Variants in AANAT observed in about 807,000 individuals in gnomAD.
AANAT encodes the protein serotonin N-acetyltransferase.
In AANAT, 11 loss-of-function variants were observed where a neutral mutation model predicts 15.6. That is an observed-to-expected ratio of 0.71 (90% CI 0.44 to 1.17). The LOEUF (loss-of-function observed/expected upper bound fraction) is 1.17, where lower values mean the gene tolerates loss of function less well. AANAT is among the 50% of genes most tolerant of loss of function. AANAT has a pLI of 0.00. For missense variants in AANAT, 286 were observed against 296.3 expected, an observed-to-expected ratio of 0.97 and a Z score of 0.26; for synonymous variants, 139 against 131.5, an observed-to-expected ratio of 1.06 and a Z score of -0.39.
rs2073489721 is a variant in AANAT, at chr17:76,469,483, G to C, written c.318+156G>C. The stretch of plus-strand genomic sequence containing the variant: ...GCCCCTCCCAGAGCAAGACCTTCTG[G>C]GTCTTCAAGTTTTCTCCATGGGGTT... On this transcript the variant is annotated intron_variant, in intron 3 of 3. Transcript: ENST00000392492. The surrounding 1 kb of genome is among the most constrained non-coding windows in gnomAD (Gnocchi z 5.2). 6.6e-6 allele frequency among the ~76,000 whole-genome samples: 1 copy of C among 152,240 alleles called. No individual in the cohort carries two copies. The highest frequency in any genetic ancestry group is 2.1e-4 in the South Asian group (1 of 4,838).
intron 2 of AANAT, chr17:76,459,401 GT>G (rs1438929096): frequency 6.6e-6 from 1 of 152,256 alleles, no homozygotes. Context: ...TCCTCAAATA[GT>G]TTCTTCTCCC....
upstream of AANAT, among the ~76,000 whole-genome samples, chr17:76,464,673 G>A (rs1230548935): frequency 6.6e-6 from 1 of 152,132 alleles, no homozygotes; most frequent in African/African-American, 2.4e-5. Flanking sequence ...AAAGTGCTGG[G>A]ATTACAGGCA....
upstream of AANAT, chr17:76,467,413 C>T: frequency 2.4e-6 from 1 of 410,602 alleles, no homozygotes; most frequent in Non-Finnish European, 3.3e-6. Context: ...ACGCTCTCTT[C>T]CCCAAACCCT....
intron 1 of AANAT, 115 bp from the exon 2 acceptor site, chr17:76,468,557 A>C (rs1262375603): frequency 1.1e-6 from 1 of 917,214 alleles, no homozygotes; most frequent in African/African-American, 1.7e-5. Flanking sequence ...GTGCCCATTG[A>C]TTTAGGGGCT....
chr17:76,461,169 A>C (rs186060561), intron 2 of AANAT, among the ~76,000 whole-genome samples: 108 of 151,892 alleles, frequency 7.1e-4, no homozygotes, highest in African/African-American at 1.5e-3. Flanking sequence ...CATCTTAAAA[A>C]AAAAACAAAA....
upstream of AANAT, among the ~76,000 whole-genome samples, chr17:76,463,912 C>G (rs928175052): frequency 6.6e-6 from 1 of 152,168 alleles, no homozygotes; most frequent in Non-Finnish European, 1.5e-5. Flanking sequence ...CTCACCACAT[C>G]TGATTAGGAG....
chr17:76,469,720 C>T lies in AANAT; in HGVS notation c.374C>T (p.Ala125Val). The T allele has an allele frequency of 1.3e-6, 2 of 1,545,754 alleles. No homozygotes were observed. Among genetic ancestry groups the T allele is most frequent in the Non-Finnish European group, 1.7e-6 (2 of 1,144,932 alleles). Residue 125 changes from alanine (A) to valine (V), a missense_variant, in exon 4 of 4, where the codon GCC becomes GTC. By Grantham distance (64) the Ala-to-Val change is moderately conservative. Transcript: ENST00000392492. This position sits in a 1 kb window ranked among gnomAD's most constrained non-coding sequence, Gnocchi z 5.2. Reference protein sequence around the residue: ...GGHIAHLHVLAVHRAFRQQGR... With the variant: ...GGHIAHLHVLVVHRAFRQQGR... ...CACATAGCCCACCTGCATGTGCTGGCCGTGCACCGCGCCTTCCGGCAGCAG... is the reference window on the plus strand; with the variant it reads ...CACATAGCCCACCTGCATGTGCTGGTCGTGCACCGCGCCTTCCGGCAGCAG...
At chr17:76,458,017 T>C (rs1007356028) in intron 1 of AANAT, among the ~76,000 whole-genome samples, 8 of 152,124 alleles carry the variant, frequency 5.3e-5, no homozygotes, top group Admixed American at 1.3e-4. Flanking sequence ...GCCTGGGAGA[T>C]AGAGCAAGAC....
intron 1 of AANAT, among the ~76,000 whole-genome samples, chr17:76,458,530 G>A (rs2073359630): frequency 6.6e-6 from 1 of 152,174 alleles, no homozygotes; most frequent in Non-Finnish European, 1.5e-5. Flanking sequence ...CTATTTCTTG[G>A]GAGGATTTCA....
chr17:76,469,135 A>G lies in AANAT; in HGVS notation c.164-38A>G. 8 of 1,611,686 alleles carry G rather than the reference A, an allele frequency of 5.0e-6. No individual in the cohort carries two copies. Among genetic ancestry groups the G allele is most frequent in the Non-Finnish European group, 6.8e-6 (8 of 1,178,578 alleles). ...GCAGCAGACAGTGGACGCGAGGCAC[A>G]GCGACTACCAGTCACCCACCTGAGC... On this transcript the variant is annotated intron_variant, in intron 2 of 3. Transcript: ENST00000392492. This position sits in a 1 kb window ranked among gnomAD's most constrained non-coding sequence, Gnocchi z 5.2.
At chr17:76,462,142 G>A (rs919451068) in intron 2 of AANAT, among the ~76,000 whole-genome samples, 4 of 152,168 alleles carry the variant, frequency 2.6e-5, no homozygotes, top group Admixed American at 6.5e-5. Flanking sequence ...TACTGGTGAA[G>A]TGCTGGGTCG....
intron 2 of AANAT, among the ~76,000 whole-genome samples, chr17:76,459,816 G>A (rs923646201): frequency 6.6e-6 from 1 of 152,224 alleles, no homozygotes; most frequent in Non-Finnish European, 1.5e-5. Context: ...TGCCCAGTGA[G>A]TGCATGATGG....
chr17:76,462,486 T>A (rs763572343), intron 3 of AANAT: 4 of 152,092 alleles, frequency 2.6e-5, no homozygotes, highest in Non-Finnish European at 5.9e-5. Context: ...AAGAGGTGGG[T>A]CCAGAAGGGC....
chr17:76,466,583 G>A (rs1216686852), upstream of AANAT, among the ~76,000 whole-genome samples: 1 of 152,104 alleles, frequency 6.6e-6, no homozygotes, highest in Admixed American at 6.5e-5. Flanking sequence ...TGTGAGATGA[G>A]TGGGTCCCAC....
chr17:76,460,129 AAT>A lies in AANAT; in HGVS notation c.-456+764_-456+765del, dbSNP rs1567863932. Among the ~76,000 whole-genome samples, 64 of 82,906 alleles carry A rather than the reference AAT, an allele frequency of 7.7e-4. 4 individuals are homozygous for A. Among genetic ancestry groups the A allele is most frequent in the Admixed American group, 1.1e-3 (9 of 8,044 alleles). 54.4% of individuals were successfully genotyped at this position (82,906 alleles called of 152,430 possible). A position where few individuals can be genotyped will look rare whatever the true frequency, so the allele number is the denominator to read the frequency against. On this transcript the variant is annotated intron_variant, in intron 2 of 6. Coordinates refer to the AANAT transcript ENST00000250615. Reference sequence around the variant, plus strand: ...CCAGCCTCAGTCACCTACTTCAGGAAATTTTTTTTTTTTTTTTTTTTTTTTTT... The same window carrying A: ...CCAGCCTCAGTCACCTACTTCAGGAATTTTTTTTTTTTTTTTTTTTTTTTT...
chr17:76,462,276 G>A (rs1015040126), intron 2 of AANAT: 3 of 152,220 alleles, frequency 2.0e-5, no homozygotes, highest in African/African-American at 7.2e-5. Flanking sequence ...AGTTGGATAA[G>A]GAACGTGTGT....
At chr17:76,453,464 C>T (rs1234469668) in exon 1 of AANAT, 11 of 215,454 alleles carry the variant, frequency 5.1e-5, no homozygotes, top group Non-Finnish European at 1.0e-4. Flanking sequence ...GGGGAGTGGT[C>T]GGGGTGGGGC....
At chr17:76,468,590 CAA>C in intron 1 of AANAT, 80 bp from the exon 2 acceptor site, 1 of 1,279,348 alleles carries the variant, frequency 7.8e-7, no homozygotes, top group East Asian at 2.6e-5. Context: ...GTTCCTGCTA[CAA>C]AAGAGGCCAG....
At chr17:76,467,755 C>T (rs1358249808) in intron 1 of AANAT, 28 bp downstream of exon 1, 3 of 982,646 alleles carry the variant, frequency 3.1e-6, no homozygotes, top group Non-Finnish European at 3.6e-6. Context: ...TCCTGGCTCT[C>T]AGCCTTTAGG....
Sources: gnomAD v4.1 joint callset for allele counts (sites outside exome capture counted in the v4.1 genomes callset) on GRCh38, gnomAD v4.1.1 for gene constraint, Gnocchi (gnomAD v3.1) non-coding constraint, MANE v1.5 for transcripts, NCBI Gene and HGNC (gene_info 2026-07-23, HGNC 2026-07-21) for gene names.